Variants in UVRAG observed in about 807,000 individuals in gnomAD.
UVRAG encodes UV radiation resistance associated.
Under a neutral mutation model 78.0 loss-of-function variants are expected in UVRAG, and 19 were observed. That is an observed-to-expected ratio of 0.24 (90% confidence interval 0.17 to 0.36). The LOEUF is 0.36. Among genes scored for constraint, UVRAG ranks in the 10% least tolerant of loss-of-function variants. The pLI, the probability that UVRAG is intolerant of heterozygous loss-of-function variation, is 1.00. For missense variants in UVRAG, 740 were observed against 853.8 expected, an observed-to-expected ratio of 0.87 and a Z score of 1.66; for synonymous variants, 323 against 324.6, an observed-to-expected ratio of 1.00 and a Z score of 0.05.
chr11:76,004,598 AAACATTTCATTCATTCATTCATTC>A (rs1385132272), intron 9 of UVRAG, among the ~76,000 whole-genome samples: 35 of 121,412 alleles, frequency 2.9e-4, no homozygotes, highest in Admixed American at 2.2e-3. Flanking sequence ...TAATGTGGAG[AAACATTTCATTCATTCATTCATTC>A]ATTCATTCAT....
In UVRAG at chr11:75,888,824, C is replaced by G. The variant is rs763916615; in HGVS notation, c.433-5C>G. The stretch of plus-strand genomic sequence containing the variant: ...AACAAATACTGTATTTTCCTCCTCT[C>G]TTAGATTCATGCCCGAAACCAAAAT... On this transcript the variant is annotated splice_polypyrimidine_tract_variant and splice_region_variant and intron_variant, in intron 4 of 14. Coordinates refer to ENST00000356136, the MANE Select transcript of UVRAG (RefSeq NM_003369.4). 6.2e-7 allele frequency: 1 copy of G among 1,612,278 alleles called. No homozygotes were observed. Among genetic ancestry groups the G allele is most frequent in the Non-Finnish European group, 8.5e-7 (1 of 1,179,008 alleles).
intron 1 of UVRAG, among the ~76,000 whole-genome samples, chr11:75,817,467 C>T (rs571121024): frequency 2.0e-5 from 3 of 152,132 alleles, no homozygotes; most frequent in Non-Finnish European, 4.4e-5. Context: ...CTTAAGTGTA[C>T]AGCTGAATGC....
chr11:75,831,201 G>T (rs764440707), intron 1 of UVRAG, among the ~76,000 whole-genome samples: 2 of 151,990 alleles, frequency 1.3e-5, no homozygotes, highest in African/African-American at 2.4e-5. Context: ...TCATAATCTA[G>T]TGGGTGGCCG....
intron 1 of UVRAG, among the ~76,000 whole-genome samples, chr11:75,850,362 C>T (rs539323207): frequency 3.3e-5 from 5 of 152,204 alleles, no homozygotes; most frequent in South Asian, 2.1e-4. Flanking sequence ...CCTTAAAGAG[C>T]GGGATGGCAT....
intron 3 of UVRAG, among the ~76,000 whole-genome samples, chr11:75,867,449 TA>T (rs1946561898): frequency 1.3e-5 from 2 of 152,252 alleles, no homozygotes; most frequent in South Asian, 2.1e-4. Flanking sequence ...AAGATTCATT[TA>T]TTTTTTGGGA....
At chr11:76,035,415 T>C (rs768277611) in intron 12 of UVRAG, among the ~76,000 whole-genome samples, 2 of 152,300 alleles carry the variant, frequency 1.3e-5, no homozygotes, top group Non-Finnish European at 1.5e-5. Context: ...ATGATGCAGT[T>C]TGGTTTAAAG....
At chr11:76,023,222 A>G (rs1417742858) in intron 12 of UVRAG, among the ~76,000 whole-genome samples, 1 of 152,194 alleles carries the variant, frequency 6.6e-6, no homozygotes, top group East Asian at 1.9e-4. Context: ...TGAAGGCCTT[A>G]GCCTTCACTT....
chr11:75,961,464 C>T lies in UVRAG; in HGVS notation c.614C>T (p.Ala205Val). ...TCTAGGCTTCATAGAGCCCAGTGTG[C>T]AATTAAACAGACTCAGGTAACTGTT... is the stretch of plus-strand genomic sequence containing the variant. ...SLLRLHRAQCAIKQTQVTVQK... is the reference protein window; with the variant it reads ...SLLRLHRAQCVIKQTQVTVQK... Residue 205 changes from alanine to valine, a missense_variant, in exon 7 of 15, where the codon GCA (alanine) becomes GTA (valine). Ala to Val is a moderately conservative substitution (Grantham distance 64, BLOSUM62 0). Coordinates refer to ENST00000356136, the MANE Select transcript of UVRAG (RefSeq NM_003369.4). The T allele has an allele frequency of 6.3e-7, 1 of 1,599,110 alleles. No homozygotes were observed. The highest frequency in any genetic ancestry group is 1.1e-5 in the South Asian group (1 of 87,644).
At chr11:75,945,310 A>G (rs1948567882) in intron 6 of UVRAG, among the ~76,000 whole-genome samples, 1 of 152,128 alleles carries the variant, frequency 6.6e-6, no homozygotes, top group South Asian at 2.1e-4. Flanking sequence ...CTCTATATAC[A>G]AAGTACTACG....
chr11:76,004,148 G>A, intron 9 of UVRAG, 59 bp downstream of exon 9: 2 of 1,530,434 alleles, frequency 1.3e-6, no homozygotes, highest in Admixed American at 3.4e-5. Context: ...GGATAGATTT[G>A]AAAAAGTAGC....
chr11:76,122,080 A>T (rs1952291054), intron 14 of UVRAG, among the ~76,000 whole-genome samples: 1 of 152,212 alleles, frequency 6.6e-6, no homozygotes, highest in African/African-American at 2.4e-5. Flanking sequence ...GCTTGTGTTC[A>T]AGGAGCTTAC....
chr11:75,985,651 T>A (rs1314333386), intron 8 of UVRAG, among the ~76,000 whole-genome samples: 2 of 152,180 alleles, frequency 1.3e-5, no homozygotes, highest in Non-Finnish European at 2.9e-5. Context: ...TTAAAATACT[T>A]TACTATTTTA....
Position 75,819,011 on chromosome 11 carries a change from A to C in UVRAG, c.117+3487A>C, listed in dbSNP as rs948896645. Among the ~76,000 whole-genome samples the C allele has an allele frequency of 7.2e-5, 11 of 152,294 alleles. No individual in the cohort carries two copies. The East Asian group carries it at 2.1e-3, about 29-fold the overall frequency. Reference sequence around the variant, plus strand: ...ATCAAAAATGAGTTCAGACATGGCCAAATGTTTCTTAGGGGGCAAAATTAC... The same window carrying C: ...ATCAAAAATGAGTTCAGACATGGCCCAATGTTTCTTAGGGGGCAAAATTAC... On this transcript the variant is annotated intron_variant, in intron 1 of 14. Coordinates refer to ENST00000356136, the MANE Select transcript of UVRAG (RefSeq NM_003369.4).
At chr11:76,106,911 T>TAGCC (rs1951982117) in intron 13 of UVRAG, among the ~76,000 whole-genome samples, 1 of 65,428 alleles carries the variant, frequency 1.5e-5, no homozygotes, top group Admixed American at 1.1e-4. Context: ...CCAGAGAACA[T>TAGCC]AGCCCTTCTT....
intron 1 of UVRAG, among the ~76,000 whole-genome samples, chr11:75,846,190 C>T (rs7122276): frequency 0.075 from 11,466 of 152,124 alleles, 1,414 homozygotes; most frequent in African/African-American, 0.26. Flanking sequence ...ACCTTATACT[C>T]GAGAGCAGTT....
intron 8 of UVRAG, among the ~76,000 whole-genome samples, chr11:75,996,814 A>T (rs902036836): frequency 6.6e-6 from 1 of 152,196 alleles, no homozygotes; most frequent in African/African-American, 2.4e-5. Flanking sequence ...TCATAAGTCC[A>T]TGGGCTTTCT....
At chr11:75,878,731 C>T (rs921158431) in intron 3 of UVRAG, among the ~76,000 whole-genome samples, 33 of 152,160 alleles carry the variant, frequency 2.2e-4, no homozygotes, top group Non-Finnish European at 2.9e-5. Flanking sequence ...CGTGGCGGCG[C>T]GCGCCTGCAA....
At chr11:76,027,025 G>A (rs1271824054) in intron 12 of UVRAG, among the ~76,000 whole-genome samples, 1 of 151,788 alleles carries the variant, frequency 6.6e-6, no homozygotes, top group African/African-American at 2.4e-5. Context: ...AGAACCAGTC[G>A]GAATATTATT....
rs956101348 is a variant in UVRAG at position 76,142,799 on chromosome 11, C to A, written c.*1386C>A. 1 of 152,248 alleles carries A rather than the reference C, an allele frequency of 6.6e-6. No individual in the cohort carries two copies. The highest frequency in any genetic ancestry group is 2.4e-5 in the African/African-American group (1 of 41,442). 9.4% of individuals were successfully genotyped at this position (152,248 alleles called of 1,614,324 possible). ...CATTCAGTTTGCATATTGTATATAG[C>A]AACACAAACACTTGACAGGTATATA... On this transcript the variant is annotated 3_prime_UTR_variant, in exon 15 of 15. Transcript: ENST00000356136.
Sources: allele counts gnomAD v4.1 joint callset (sites outside exome capture counted in the v4.1 genomes callset), GRCh38; gene constraint gnomAD v4.1.1; transcripts MANE v1.5; gene names NCBI Gene and HGNC (gene_info 2026-07-23, HGNC 2026-07-21).